The following SUMF2 variants were observed in gnomAD, a reference collection of about 807,000 sequenced individuals.
The protein encoded by SUMF2 is sulfatase modifying factor 2.
SUMF2 carries 45 observed loss-of-function variants against 44.8 expected under a neutral mutation model. The observed-to-expected ratio is 1.00, with a 90% CI of 0.79 to 1.29. SUMF2 has a LOEUF of 1.29. Ranked by LOEUF, SUMF2 falls within the 50% of genes most tolerant of loss-of-function variation. The probability of loss-of-function intolerance (pLI) is 0.00; values close to 1 mark genes in which losing one functional copy is unlikely to be tolerated. For missense variants in SUMF2, 418 were observed against 389.9 expected, an observed-to-expected ratio of 1.07 and a Z score of -0.61; for synonymous variants, 148 against 150.4, an observed-to-expected ratio of 0.98 and a Z score of 0.12.
intron 5 of SUMF2, among the ~76,000 whole-genome samples, chr7:56,075,529 T>C (rs1182529349): frequency 6.6e-6 from 1 of 151,396 alleles, no homozygotes; most frequent in Non-Finnish European, 1.5e-5. Flanking sequence ...ACCCCGTCTC[T>C]ACTAAAAATA....
rs139599780 is a variant in SUMF2, at chr7:56,064,349, C to T, written c.38C>T (p.Ser13Leu). The T allele has an allele frequency of 1.2e-5, 19 of 1,603,134 alleles. No homozygotes were observed. In the African/African-American group the frequency reaches 1.3e-4, roughly 11 times the overall value. Residue 13 changes from serine (S) to leucine (L), a missense_variant, in exon 1 of 9, where the codon TCG becomes TTG. Coordinates refer to ENST00000434526, the MANE Select transcript of SUMF2 (RefSeq NM_015411.4). The stretch of plus-strand genomic sequence containing the variant: ...GGGTTACCGCTGCTGCCCCTGCTGT[C>T]GCTCCTGGTCGGCGCGTGGCTCAAG... Reference protein sequence around the residue: ...RHGLPLLPLLSLLVGAWLKLG... With the variant: ...RHGLPLLPLLLLLVGAWLKLG...
At chr7:56,074,271 C>A in intron 4 of SUMF2, 53 bp downstream of exon 4, 1 of 1,534,356 alleles carries the variant, frequency 6.5e-7, no homozygotes, top group Non-Finnish European at 9.0e-7. Context: ...CTCTTATTCT[C>A]CAGGCCCAGC....
intron 8 of SUMF2, 116 bp downstream of exon 8, chr7:56,078,624 G>A: frequency 8.1e-7 from 1 of 1,239,918 alleles, no homozygotes; most frequent in Non-Finnish European, 1.1e-6. Flanking sequence ...TGATGAGCTG[G>A]TCCCAGCACC....
At chr7:56,073,210 C>A in intron 3 of SUMF2, 99 bp downstream of exon 3, 1 of 908,984 alleles carries the variant, frequency 1.1e-6, no homozygotes, top group Non-Finnish European at 1.8e-6. Context: ...GAGAATCAGA[C>A]CTGAGAGGTG....
intron 6 of SUMF2, 117 bp downstream of exon 6, chr7:56,077,006 A>T (rs1290766669): frequency 4.6e-6 from 4 of 868,722 alleles, no homozygotes; most frequent in Non-Finnish European, 6.9e-6. Context: ...CTGATGACTC[A>T]TAAGCTGGTA....
intron 1 of SUMF2, among the ~76,000 whole-genome samples, chr7:56,064,724 A>G (rs1036760003): frequency 6.7e-5 from 10 of 150,144 alleles, no homozygotes; most frequent in African/African-American, 2.4e-4. Flanking sequence ...ACAAAAACAA[A>G]AAAACACAAC....
chr7:56,068,035 T>C (rs1321360495), intron 1 of SUMF2, among the ~76,000 whole-genome samples: 358 of 17,126 alleles, frequency 0.021, no homozygotes, highest in East Asian at 0.039. Context: ...TTCTTTCTTT[T>C]TTTTTTTTTT....
intron 2 of SUMF2, among the ~76,000 whole-genome samples, chr7:56,072,471 T>C (rs923775232): frequency 4.0e-5 from 6 of 150,662 alleles, no homozygotes; most frequent in Admixed American, 4.0e-4. Flanking sequence ...ACGCCTGTAA[T>C]CTCAGCCCTT....
chr7:56,074,428 C>G, intron 4 of SUMF2, 158 bp from the exon 5 acceptor site: 1 of 1,077,342 alleles, frequency 9.3e-7, no homozygotes, highest in Non-Finnish European at 1.3e-6. Context: ...CTCCTGTAGT[C>G]TCTTTTTTCT....
rs1408103203 is a variant in SUMF2, at chr7:56,064,329, A to G, written c.18A>G (p.Leu6=). 3 of 1,598,976 alleles carry G rather than the reference A, an allele frequency of 1.9e-6. No individual in the cohort carries two copies. The highest frequency in any genetic ancestry group is 1.7e-5 in the Admixed American group (1 of 57,512). Residue 6 remains leucine, a synonymous_variant, in exon 1 of 9, where the codon TTA becomes TTG. Coordinates refer to ENST00000434526, the MANE Select transcript of SUMF2 (RefSeq NM_015411.4). MARHG[L]PLLPLLSLLV... ...CAGTCCTGATGGCCCGGCATGGGTT[A>G]CCGCTGCTGCCCCTGCTGTCGCTCC...
intron 2 of SUMF2, among the ~76,000 whole-genome samples, chr7:56,071,827 A>G (rs1795176645): frequency 6.6e-6 from 1 of 151,012 alleles, no homozygotes; most frequent in South Asian, 2.1e-4. Context: ...TAAATAAAAA[A>G]TAATTTGGGC....
At position 56,064,339 on chromosome 7, in the gene SUMF2, C is replaced by T. The variant is rs771439830; in HGVS notation, c.28C>T (p.Pro10Ser). Residue 10 changes from proline (P) to serine (S), a missense_variant, in exon 1 of 9, where the codon CCC becomes TCC. By Grantham distance (74) the Pro-to-Ser change is moderately conservative. Transcript: ENST00000434526. Reference sequence around the variant, plus strand: ...GGCCCGGCATGGGTTACCGCTGCTGCCCCTGCTGTCGCTCCTGGTCGGCGC... The same window carrying T: ...GGCCCGGCATGGGTTACCGCTGCTGTCCCTGCTGTCGCTCCTGGTCGGCGC... MARHGLPLL[P>S]LLSLLVGAWL... is the part of the protein sequence containing the mutation. 6.2e-7 allele frequency: 1 copy of T among 1,601,974 alleles called. No individual in the cohort carries two copies. The highest frequency in any genetic ancestry group is 8.5e-7 in the Non-Finnish European group (1 of 1,174,840).
chr7:56,082,784 T>C (rs564178560), downstream of SUMF2, among the ~76,000 whole-genome samples: 19 of 152,046 alleles, frequency 1.2e-4, 2 homozygotes, highest in South Asian at 2.7e-3. Context: ...ACAAGGGTAA[T>C]GGGAACCTGG....
In SUMF2 at chr7:56,066,983, A is replaced by G. The variant is rs558176962; in HGVS notation, c.68-1499A>G. Among the ~76,000 whole-genome samples the G allele has an allele frequency of 1.1e-4, 17 of 152,306 alleles. No homozygotes were observed. In the South Asian group the frequency reaches 2.7e-3, roughly 24 times the overall value. On this transcript the variant is annotated intron_variant, in intron 1 of 8. Coordinates refer to ENST00000434526, the MANE Select transcript of SUMF2 (RefSeq NM_015411.4). ...CAAGTCTAAAGGTGCTCATTCAACT[A>G]TTTGGCAATAATTATGCACTTATGG...
At position 56,064,388 on chromosome 7, in the gene SUMF2, C is replaced by T; in HGVS notation, c.67+10C>T. ...GCGTGGCTCAAGCTAGGTCAGTGAA[C>T]CGGCCGTCCATCCTGGGGGCGCTGG... On this transcript the variant is annotated intron_variant, in intron 1 of 8. Coordinates refer to ENST00000434526, the MANE Select transcript of SUMF2 (RefSeq NM_015411.4). The T allele has an allele frequency of 6.3e-7, 1 of 1,599,496 alleles. No homozygotes were observed. The highest frequency in any genetic ancestry group is 8.5e-7 in the Non-Finnish European group (1 of 1,173,704).
In SUMF2 at chr7:56,079,508, C is replaced by A; in HGVS notation, c.822-20C>A. On this transcript the variant is annotated intron_variant, in intron 8 of 8. Coordinates refer to ENST00000434526, the MANE Select transcript of SUMF2 (RefSeq NM_015411.4). ...TTTTCTCAGGACGTGTCTGTCCTCT[C>A]TCCCCTTCTCTGCTGGCAGGATGGG... The A allele has an allele frequency of 6.2e-7, 1 of 1,605,772 alleles. No homozygotes were observed.
chr7:56,083,560 A>G (rs1248230717), downstream of SUMF2: 2 of 1,488,916 alleles, frequency 1.3e-6, no homozygotes, highest in Non-Finnish European at 9.3e-7. Flanking sequence ...CAGCCCAGAC[A>G]TGTGCACGCC....
At chr7:56,083,105 CAA>C (rs374270655), downstream of SUMF2, 11,718 of 423,796 alleles carry the variant, frequency 0.028, no homozygotes, top group South Asian at 0.038. Flanking sequence ...GACTCCATCT[CAA>C]AAAAAAAAAA....
At chr7:56,067,199 G>T in intron 1 of SUMF2, among the ~76,000 whole-genome samples, 1 of 152,188 alleles carries the variant, frequency 6.6e-6, no homozygotes, top group East Asian at 1.9e-4. Flanking sequence ...TCACCTAGCT[G>T]GGACAAGGGC....
Sources: gnomAD v4.1 joint callset for allele counts (sites outside exome capture counted in the v4.1 genomes callset) on GRCh38, gnomAD v4.1.1 for gene constraint, MANE v1.5 for transcripts, NCBI Gene and HGNC (gene_info 2026-07-23, HGNC 2026-07-21) for gene names.